Variants in CDH12 observed in about 807,000 individuals in gnomAD.
CDH12 encodes cadherin-12.
CDH12 carries 41 observed loss-of-function variants against 74.1 expected under a neutral mutation model. The ratio of observed to expected loss-of-function variants is 0.55; its 90% confidence interval spans 0.43 to 0.72. The LOEUF is 0.72. Among genes scored for constraint, CDH12 ranks in the 30% least tolerant of loss-of-function variants. The pLI, the probability that CDH12 is intolerant of heterozygous loss-of-function variation, is 0.00. For synonymous variants in CDH12, 399 were observed against 355.0 expected (o/e 1.12, Z -1.39); for missense variants, 945 against 977.2 (o/e 0.97, Z 0.44).
At chr5:22,434,470 G>A (rs116672552) in intron 2 of CDH12, among the ~76,000 whole-genome samples, 1,795 of 151,720 alleles carry the variant, frequency 0.012, 25 homozygotes, top group Non-Finnish European at 0.017. Flanking sequence ...CCATTTGAGC[G>A]TGTCATAGAA....
chr5:22,747,884 C>G (rs1242231078), intron 1 of CDH12, among the ~76,000 whole-genome samples: 1 of 152,068 alleles, frequency 6.6e-6, no homozygotes, highest in East Asian at 1.9e-4. Context: ...ATAGGGTGTG[C>G]TTGCACTTTT....
At position 21,752,819 on chromosome 5, in the gene CDH12, A is replaced by AGGAG. The variant is rs1337363297; in HGVS notation, c.1886-587_1886-584dup. On this transcript the variant is annotated intron_variant, in intron 14 of 14. Transcript: ENST00000382254. The stretch of plus-strand genomic sequence containing the variant: ...GTAGAGGAAGGAAGGAAGTAGAGGA[A>AGGAG]GGAGGAAGGAAGGAAGGAAGATGTT... Among the ~76,000 whole-genome samples, 26 of 152,174 alleles carry AGGAG rather than the reference A, an allele frequency of 1.7e-4. No individual in the cohort carries two copies. The South Asian group carries it at 1.9e-3, about 11-fold the overall frequency.
chr5:21,884,523 A>G (rs1344243608), intron 6 of CDH12, among the ~76,000 whole-genome samples: 1 of 152,176 alleles, frequency 6.6e-6, no homozygotes, highest in Non-Finnish European at 1.5e-5. Context: ...TTTATTTTGT[A>G]TTTTTGAATA....
chr5:22,283,249 T>TACACACACACAC (rs1482276211), intron 3 of CDH12, among the ~76,000 whole-genome samples: 1 of 116,206 alleles, frequency 8.6e-6, no homozygotes, highest in African/African-American at 3.5e-5. Flanking sequence ...TATATATATA[T>TACACACACACAC]ATACACACAC....
chr5:22,824,257 G>C (rs904347040), intron 1 of CDH12, among the ~76,000 whole-genome samples: 2 of 152,076 alleles, frequency 1.3e-5, no homozygotes, highest in African/African-American at 4.8e-5. Context: ...CACAGAAACT[G>C]AGTGTGTAAC....
intron 2 of CDH12, among the ~76,000 whole-genome samples, chr5:22,498,535 G>A (rs1580709188): frequency 6.6e-6 from 1 of 151,874 alleles, no homozygotes; most frequent in South Asian, 2.1e-4. Context: ...AAATGAAAGG[G>A]GCAAAGTGAA....
intron 3 of CDH12, among the ~76,000 whole-genome samples, chr5:22,253,900 A>T (rs1309488883): frequency 6.6e-6 from 1 of 151,988 alleles, no homozygotes; most frequent in East Asian, 1.9e-4. Context: ...TTTAAAGTTC[A>T]TCGAATGGAG....
intron 5 of CDH12, among the ~76,000 whole-genome samples, chr5:21,982,157 C>T (rs1164760826): frequency 6.6e-6 from 1 of 152,106 alleles, no homozygotes; most frequent in Non-Finnish European, 1.5e-5. Context: ...GTGGATGGGC[C>T]TCATTCAATA....
intron 4 of CDH12, among the ~76,000 whole-genome samples, chr5:22,106,641 A>C (rs763080401): frequency 6.6e-6 from 1 of 152,212 alleles, no homozygotes; most frequent in Non-Finnish European, 1.5e-5. Context: ...GACAGAAAAG[A>C]ATTCTACCTG....
At chr5:22,694,164 A>C (rs113824180) in intron 1 of CDH12, among the ~76,000 whole-genome samples, 9 of 152,232 alleles carry the variant, frequency 5.9e-5, no homozygotes, top group African/African-American at 2.2e-4. Flanking sequence ...GACCTCTTTC[A>C]TCAATATAAA....
rs548255481 is a variant in CDH12 at position 22,443,737 on chromosome 5, T to C, written c.-427-38386A>G. On this transcript the variant is annotated intron_variant, in intron 2 of 14. Transcript: ENST00000382254. ...TGATTAAAACAAGTTATGTAGACAT[T>C]AATTACAAAGTAAGGGGTATAAAAT... 3.3e-5 allele frequency among the ~76,000 whole-genome samples: 5 copies of C among 152,248 alleles called. No individual in the cohort carries two copies. The South Asian group carries it at 1.0e-3, about 32-fold the overall frequency.
intron 5 of CDH12, among the ~76,000 whole-genome samples, chr5:21,980,194 T>C (rs932219769): frequency 1.3e-4 from 19 of 151,840 alleles, no homozygotes; most frequent in African/African-American, 4.1e-4. Context: ...TATATATATA[T>C]ATATGCTATA....
chr5:22,516,334 GAAAT>G (rs1260627371), intron 1 of CDH12, among the ~76,000 whole-genome samples: 1 of 152,028 alleles, frequency 6.6e-6, no homozygotes, highest in Non-Finnish European at 1.5e-5. Context: ...ATTTCTGAAA[GAAAT>G]AAATGGCTCT....
chr5:22,748,225 A>T (rs1745389324), intron 1 of CDH12, among the ~76,000 whole-genome samples: 1 of 152,232 alleles, frequency 6.6e-6, no homozygotes, highest in African/African-American at 2.4e-5. Context: ...GAATAAATTG[A>T]CTTTTAGTGT....
intron 3 of CDH12, among the ~76,000 whole-genome samples, chr5:22,307,062 TA>T (rs1738145265): frequency 6.6e-6 from 1 of 152,166 alleles, no homozygotes; most frequent in Non-Finnish European, 1.5e-5. Context: ...CTCTATGGGG[TA>T]AAGCTGATTC....
intron 1 of CDH12, among the ~76,000 whole-genome samples, chr5:22,708,665 AG>A (rs1370703353): frequency 6.6e-6 from 1 of 152,166 alleles, no homozygotes; most frequent in African/African-American, 2.4e-5. Flanking sequence ...GGAGTTATTT[AG>A]GCTGGATTTG....
intron 5 of CDH12, among the ~76,000 whole-genome samples, chr5:22,068,266 A>T (rs1227071681): frequency 6.6e-6 from 1 of 151,782 alleles, no homozygotes; most frequent in Non-Finnish European, 1.5e-5. Flanking sequence ...TTCCTGCCAC[A>T]CTCTCTTCTC....
chr5:22,436,489 A>C (rs1744400399), intron 2 of CDH12, among the ~76,000 whole-genome samples: 3 of 151,370 alleles, frequency 2.0e-5, no homozygotes, highest in Admixed American at 6.6e-5. Flanking sequence ...GGAAAAAAAA[A>C]CTCTGCTCCC....
intron 8 of CDH12, among the ~76,000 whole-genome samples, chr5:21,821,958 T>C (rs1748393213): frequency 6.6e-6 from 1 of 151,872 alleles, no homozygotes; most frequent in South Asian, 2.1e-4. Context: ...TCACCTTACT[T>C]AAACAACACG....
Sources: allele counts gnomAD v4.1 joint callset (sites outside exome capture counted in the v4.1 genomes callset), GRCh38; gene constraint gnomAD v4.1.1; transcripts MANE v1.5; gene names NCBI Gene and HGNC (gene_info 2026-07-23, HGNC 2026-07-21).